SH3GL2: variants seen among roughly 807,000 people sequenced by gnomAD.
SH3GL2 encodes the protein endophilin-A1.
SH3GL2 carries 24 observed loss-of-function variants against 46.0 expected under a neutral mutation model. The observed-to-expected ratio is 0.52, with a 90% CI of 0.38 to 0.73. The LOEUF (loss-of-function observed/expected upper bound fraction) is 0.73, where lower values mean the gene tolerates loss of function less well. Ranked by LOEUF, SH3GL2 falls within the 30% of genes least tolerant of loss-of-function variation. The pLI is 0.00. For missense variants in SH3GL2, 413 were observed against 424.2 expected (o/e 0.97, Z 0.23); for synonymous variants, 196 against 147.1 (o/e 1.33, Z -2.40).
intron 1 of SH3GL2, among the ~76,000 whole-genome samples, chr9:17,726,785 A>C (rs1210158976): frequency 6.6e-6 from 1 of 152,190 alleles, no homozygotes; most frequent in Non-Finnish European, 1.5e-5. Flanking sequence ...AGATTTGCAA[A>C]AATTAAAAAG....
chr9:17,615,443 C>T (rs1357584206), intron 1 of SH3GL2, among the ~76,000 whole-genome samples: 1 of 151,814 alleles, frequency 6.6e-6, no homozygotes, highest in African/African-American at 2.4e-5. Context: ...GATCACGAGG[C>T]CGGGAGATTG....
At chr9:17,746,691 T>C (rs1421661958) in intron 1 of SH3GL2, among the ~76,000 whole-genome samples, 1 of 152,212 alleles carries the variant, frequency 6.6e-6, no homozygotes, top group Non-Finnish European at 1.5e-5. Flanking sequence ...GTTTTCTGCA[T>C]AGGTAGCATT....
intron 1 of SH3GL2, among the ~76,000 whole-genome samples, chr9:17,617,278 A>G (rs750559573): frequency 3.3e-5 from 5 of 152,188 alleles, no homozygotes; most frequent in Non-Finnish European, 7.3e-5. Context: ...AAAGTTGTAC[A>G]TATATGTAGG....
chr9:17,761,726 C>G (rs1354465678), intron 3 of SH3GL2, among the ~76,000 whole-genome samples: 1 of 152,164 alleles, frequency 6.6e-6, no homozygotes, highest in Non-Finnish European at 1.5e-5. Flanking sequence ...GGTATTTTAT[C>G]TGACTGTGGT....
intron 3 of SH3GL2, among the ~76,000 whole-genome samples, chr9:17,782,292 CG>C (rs1326775573): frequency 1.9e-4 from 29 of 151,934 alleles, no homozygotes; most frequent in Non-Finnish European, 1.8e-4. Context: ...CTCTCTTTTT[CG>C]GGGAAAATAA....
At chr9:17,687,561 A>C (rs911633275) in intron 1 of SH3GL2, among the ~76,000 whole-genome samples, 2 of 152,126 alleles carry the variant, frequency 1.3e-5, no homozygotes, top group Non-Finnish European at 2.9e-5. Context: ...TTAAAAAAGC[A>C]TGTTCTTCAT....
chr9:17,690,519 G>A (rs547529949), intron 1 of SH3GL2, among the ~76,000 whole-genome samples: 1 of 151,992 alleles, frequency 6.6e-6, no homozygotes, highest in Non-Finnish European at 1.5e-5. Flanking sequence ...CATCCCATAG[G>A]ATCTCGCCTC....
intron 3 of SH3GL2, among the ~76,000 whole-genome samples, chr9:17,768,394 C>T (rs1172963605): frequency 1.4e-5 from 2 of 147,268 alleles, no homozygotes; most frequent in South Asian, 4.3e-4. Context: ...AAAAAAAACA[C>T]CAGATTCTTA....
intron 1 of SH3GL2, among the ~76,000 whole-genome samples, chr9:17,623,705 TACAC>T (rs10660392): frequency 0.033 from 4,923 of 147,404 alleles, 76 homozygotes; most frequent in African/African-American, 0.049. Context: ...TATAATTTCC[TACAC>T]ACACACACAC....
chr9:17,624,023 G>A (rs183824948), intron 1 of SH3GL2, among the ~76,000 whole-genome samples: 4 of 152,052 alleles, frequency 2.6e-5, no homozygotes, highest in East Asian at 1.9e-4. Context: ...TATTTCATTC[G>A]TTCGTTTCTT....
intron 1 of SH3GL2, among the ~76,000 whole-genome samples, chr9:17,600,455 A>G (rs921299076): frequency 6.6e-6 from 1 of 152,222 alleles, no homozygotes; most frequent in Admixed American, 6.5e-5. Context: ...GCTGGCTCCG[A>G]TTCTGATGTT....
rs1819610299 is a variant in SH3GL2 at position 17,638,928 on chromosome 9, A to G, written c.45+59641A>G. 4.6e-5 allele frequency among the ~76,000 whole-genome samples: 7 copies of G among 152,332 alleles called. No individual in the cohort carries two copies. In the South Asian group the frequency reaches 1.5e-3, roughly 32 times the overall value. On this transcript the variant is annotated intron_variant, in intron 1 of 8. Transcript: ENST00000380607. ...ATTACAGGGGTTTTGTGAGAATTAC[A>G]TTGTTGGATCCCATATGTAAAAATG...
chr9:17,630,487 G>A (rs1819395524), intron 1 of SH3GL2: 1 of 152,234 alleles, frequency 6.6e-6, no homozygotes, highest in South Asian at 2.1e-4. Flanking sequence ...TTTGTTGGAA[G>A]CCTGCAAGTG....
intron 1 of SH3GL2, among the ~76,000 whole-genome samples, chr9:17,605,052 A>C (rs1314804969): frequency 6.7e-6 from 1 of 150,002 alleles, no homozygotes; most frequent in Non-Finnish European, 1.5e-5. Flanking sequence ...GGCTCACTGC[A>C]ACCTCAACTT....
At chr9:17,650,466 G>C (rs1819928089) in intron 1 of SH3GL2, among the ~76,000 whole-genome samples, 1 of 152,086 alleles carries the variant, frequency 6.6e-6, no homozygotes, top group Non-Finnish European at 1.5e-5. Context: ...CTGCCTTCCG[G>C]GTTCAAGCGA....
At chr9:17,613,210 CAG>C (rs1469632581) in intron 1 of SH3GL2, among the ~76,000 whole-genome samples, 4 of 152,200 alleles carry the variant, frequency 2.6e-5, no homozygotes, top group African/African-American at 9.6e-5. Context: ...TGAAAAGTGA[CAG>C]TGAGATAGTA....
rs1254118562 is a variant in SH3GL2 at position 17,795,945 on chromosome 9, G to C, written c.*202G>C. 1 of 556,734 alleles carries C rather than the reference G, an allele frequency of 1.8e-6. No homozygotes were observed. The highest frequency in any genetic ancestry group is 2.6e-5 in the South Asian group (1 of 38,138). The allele number at this position is 556,734 out of a possible 1,614,324, so 34.5% of individuals were successfully genotyped here. On this transcript the variant is annotated 3_prime_UTR_variant, in exon 9 of 9. Coordinates refer to ENST00000380607, the MANE Select transcript of SH3GL2 (RefSeq NM_003026.5). ...ATATCCTCTTAGCCTGGTGGGCGTG[G>C]CATGTGCTTTTTAAAACATCATCTG...
chr9:17,791,156 A>G (rs926149988), intron 6 of SH3GL2, 75 bp from the exon 7 acceptor site: 14 of 1,010,340 alleles, frequency 1.4e-5, no homozygotes, highest in Admixed American at 8.6e-5. Context: ...GCCCTGGTGT[A>G]TGTATGAAAC....
intron 1 of SH3GL2, among the ~76,000 whole-genome samples, chr9:17,720,393 A>G (rs1821865243): frequency 6.6e-6 from 1 of 152,150 alleles, no homozygotes; most frequent in African/African-American, 2.4e-5. Flanking sequence ...AATACGTTGA[A>G]AGAGCTTTGG....
Sources: allele counts gnomAD v4.1 joint callset (sites outside exome capture counted in the v4.1 genomes callset), GRCh38; gene constraint gnomAD v4.1.1; transcripts MANE v1.5; gene names NCBI Gene and HGNC (gene_info 2026-07-23, HGNC 2026-07-21).